COPS2: variants seen among roughly 807,000 people sequenced by gnomAD.
The protein encoded by COPS2 is COP9 signalosome subunit 2.
In COPS2, 10 loss-of-function variants were observed where a neutral mutation model predicts 66.1. That is an observed-to-expected ratio of 0.15 (90% CI 0.09 to 0.26). COPS2 has a LOEUF of 0.26. Among genes scored for constraint, COPS2 ranks in the 10% least tolerant of loss-of-function variants. COPS2 has a pLI of 1.00. For synonymous variants in COPS2, 179 were observed against 171.3 expected (o/e 1.04, Z -0.35); for missense variants, 215 against 513.3 (o/e 0.42, Z 5.62).
At chr15:49,148,587 C>T (rs141009157) in intron 1 of COPS2, among the ~76,000 whole-genome samples, 194 of 152,232 alleles carry the variant, frequency 1.3e-3, no homozygotes, top group African/African-American at 4.2e-3. Flanking sequence ...AACAGGACAA[C>T]AGAAGTCTTA....
intron 11 of COPS2, among the ~76,000 whole-genome samples, chr15:49,129,192 G>A (rs1407401612): frequency 6.6e-6 from 1 of 151,978 alleles, no homozygotes; most frequent in Non-Finnish European, 1.5e-5. Flanking sequence ...CTACTCAGGA[G>A]GCTGAGGTAG....
chr15:49,140,719 T>C (rs957087134), intron 3 of COPS2, among the ~76,000 whole-genome samples: 1 of 152,148 alleles, frequency 6.6e-6, no homozygotes, highest in African/African-American at 2.4e-5. Flanking sequence ...CTGCAATTGC[T>C]GTTAACCTCT....
At chr15:49,138,087 G>A (rs1259578415) in intron 4 of COPS2, among the ~76,000 whole-genome samples, 1 of 152,208 alleles carries the variant, frequency 6.6e-6, no homozygotes, top group Non-Finnish European at 1.5e-5. Flanking sequence ...GGTAAACCAT[G>A]GAGGTGGGTG....
At chr15:49,133,279 C>T (rs1001771224) in intron 9 of COPS2, among the ~76,000 whole-genome samples, 4 of 152,184 alleles carry the variant, frequency 2.6e-5, no homozygotes, top group African/African-American at 4.8e-5. Context: ...TGAGCCACCA[C>T]GCCCAGCCTA....
At chr15:49,143,790 T>G (rs1193497328) in intron 3 of COPS2, among the ~76,000 whole-genome samples, 1 of 152,032 alleles carries the variant, frequency 6.6e-6, no homozygotes, top group Non-Finnish European at 1.5e-5. Flanking sequence ...ATCGAGACCA[T>G]CCTGGCTAAC....
At chr15:49,147,077 A>G (rs1166082902) in intron 1 of COPS2, among the ~76,000 whole-genome samples, 1 of 152,162 alleles carries the variant, frequency 6.6e-6, no homozygotes, top group Non-Finnish European at 1.5e-5. Flanking sequence ...GAAGACTTGG[A>G]GTAAAGAATC....
intron 3 of COPS2, among the ~76,000 whole-genome samples, chr15:49,142,818 T>G (rs2141129980): frequency 6.6e-6 from 1 of 151,894 alleles, no homozygotes; most frequent in South Asian, 2.1e-4. Context: ...GTTCATTCAA[T>G]AAAATATTTG....
chr15:49,143,792 C>T (rs2084303519), intron 3 of COPS2, among the ~76,000 whole-genome samples: 1 of 152,138 alleles, frequency 6.6e-6, no homozygotes, highest in East Asian at 1.9e-4. Context: ...CGAGACCATC[C>T]TGGCTAACAT....
At chr15:49,129,410 C>T (rs1357076724) in intron 11 of COPS2, 67 bp downstream of exon 11, 3 of 565,844 alleles carry the variant, frequency 5.3e-6, no homozygotes, top group Non-Finnish European at 5.7e-6. Flanking sequence ...CTCTTAAATG[C>T]AAGACTGGTA....
chr15:49,143,150 C>T (rs908061599), intron 3 of COPS2, among the ~76,000 whole-genome samples: 1 of 152,138 alleles, frequency 6.6e-6, no homozygotes, highest in Admixed American at 6.5e-5. Flanking sequence ...GCAGAGGAAA[C>T]AGCAGGTGCA....
intron 3 of COPS2, among the ~76,000 whole-genome samples, chr15:49,141,046 T>C (rs927282458): frequency 3.3e-5 from 5 of 151,616 alleles, no homozygotes; most frequent in African/African-American, 4.8e-5. Context: ...ACCACTTCTG[T>C]TTCCAAGTTT....
chr15:49,131,767 A>C (rs1012307318), intron 9 of COPS2, among the ~76,000 whole-genome samples: 6 of 152,168 alleles, frequency 3.9e-5, no homozygotes, highest in African/African-American at 1.4e-4. Flanking sequence ...ACACTTGCAC[A>C]AACATTTGTT....
At chr15:49,132,111 G>A (rs2084214319) in intron 9 of COPS2, among the ~76,000 whole-genome samples, 1 of 152,032 alleles carries the variant, frequency 6.6e-6, no homozygotes, top group Non-Finnish European at 1.5e-5. Flanking sequence ...ATTTCTTAGA[G>A]TTTTAAAAGT....
chr15:49,132,899 A>G (rs542207218), intron 9 of COPS2, among the ~76,000 whole-genome samples: 24 of 151,848 alleles, frequency 1.6e-4, no homozygotes, highest in African/African-American at 5.6e-4. Context: ...ATCTTCCTCC[A>G]CAGAATCATT....
In COPS2 at chr15:49,126,702, T is replaced by G. The variant is rs911833352; in HGVS notation, c.*1248A>C. ...AGGCCACAGTTCATTCTCCTAAGTA[T>G]ACTGCCACTGCTCAAAAAACCTTTA... On this transcript the variant is annotated 3_prime_UTR_variant, in exon 13 of 13. Coordinates refer to ENST00000388901, the MANE Select transcript of COPS2 (RefSeq NM_004236.4). 7.2e-5 allele frequency: 11 copies of G among 152,104 alleles called. No individual in the cohort carries two copies. The highest frequency in any genetic ancestry group is 1.6e-4 in the Non-Finnish European group (11 of 67,964). 9.4% of individuals were successfully genotyped at this position (152,104 alleles called of 1,614,324 possible). A position where few individuals can be genotyped will look rare whatever the true frequency, so the allele number is the denominator to read the frequency against.
At chr15:49,137,011 T>A (rs1477799423) in intron 6 of COPS2, 139 bp downstream of exon 6, 1 of 636,798 alleles carries the variant, frequency 1.6e-6, no homozygotes, top group African/African-American at 1.9e-5. Context: ...AAAGATAATT[T>A]TATAACTTAT....
chr15:49,149,870 G>A (rs2084346457), intron 1 of COPS2, among the ~76,000 whole-genome samples: 2 of 152,082 alleles, frequency 1.3e-5, no homozygotes, highest in African/African-American at 2.4e-5. Context: ...AACCAGACAC[G>A]ATTCAAATCC....
chr15:49,133,515 G>A (rs1008757527), intron 9 of COPS2, among the ~76,000 whole-genome samples: 2 of 152,258 alleles, frequency 1.3e-5, no homozygotes, highest in Admixed American at 1.3e-4. Context: ...GCATTCGTGC[G>A]TGCGCAGACA....
At chr15:49,154,813 G>T (rs1264717018) in intron 1 of COPS2, among the ~76,000 whole-genome samples, 2 of 152,078 alleles carry the variant, frequency 1.3e-5, no homozygotes, top group African/African-American at 4.8e-5. Flanking sequence ...TTGTATACTG[G>T]GAAATTTCTA....
Sources: allele counts gnomAD v4.1 joint callset (sites outside exome capture counted in the v4.1 genomes callset), GRCh38; gene constraint gnomAD v4.1.1; transcripts MANE v1.5; gene names NCBI Gene and HGNC (gene_info 2026-07-23, HGNC 2026-07-21).